MAPK9: variants seen among roughly 807,000 people sequenced by gnomAD.
The protein encoded by MAPK9 is mitogen-activated protein kinase 9.
A neutral mutation model predicts 57.1 loss-of-function variants in MAPK9; 30 were observed. The observed-to-expected ratio is 0.53, with a 90% CI of 0.39 to 0.71. MAPK9 has a LOEUF of 0.71. MAPK9 is among the 30% of genes least tolerant of loss of function. MAPK9 has a pLI of 0.00. For missense variants in MAPK9, 362 were observed against 521.0 expected, an observed-to-expected ratio of 0.69 and a Z score of 2.97; for synonymous variants, 155 against 177.0, an observed-to-expected ratio of 0.88 and a Z score of 0.99.
At chr5:180,282,253 A>G (rs1217894324) in intron 1 of MAPK9, among the ~76,000 whole-genome samples, 1 of 152,184 alleles carries the variant, frequency 6.6e-6, no homozygotes, top group Non-Finnish European at 1.5e-5. Flanking sequence ...TAGCTTATTT[A>G]CAGTTTGCAA....
intron 6 of MAPK9, among the ~76,000 whole-genome samples, chr5:180,248,114 C>A (rs925675875): frequency 6.6e-6 from 1 of 152,252 alleles, no homozygotes; most frequent in South Asian, 2.1e-4. Context: ...CACTCACTGG[C>A]GGCACAGGCT....
chr5:180,286,231 C>T (rs1762750080), intron 1 of MAPK9, among the ~76,000 whole-genome samples: 3 of 142,504 alleles, frequency 2.1e-5, no homozygotes, highest in East Asian at 2.7e-4. Flanking sequence ...CTGCAAGCTC[C>T]GCCTCCCAGG....
intron 2 of MAPK9, among the ~76,000 whole-genome samples, chr5:180,274,153 T>C: frequency 6.6e-6 from 1 of 152,312 alleles, no homozygotes; most frequent in East Asian, 1.9e-4. Flanking sequence ...GTCTTTCATA[T>C]TGTTAGATTT....
At chr5:180,277,185 C>T (rs1761897319) in intron 2 of MAPK9, among the ~76,000 whole-genome samples, 1 of 152,192 alleles carries the variant, frequency 6.6e-6, no homozygotes. Flanking sequence ...TTTCCTATTG[C>T]TATTGTAACA....
chr5:180,248,980 T>G lies in MAPK9; in HGVS notation c.609A>C (p.Lys203Asn). Residue 203 changes from lysine (K) to asparagine (N), a missense_variant, in exon 6 of 12, where the codon AAA becomes AAC. Lys to Asn is a moderately conservative substitution (Grantham distance 94). Transcript: ENST00000452135. ...AGCCCCGGCTATACTCACCGTTCTCTTTGTAGCCCATACCCAGGATGACTT... is the reference window on the plus strand; with the variant it reads ...AGCCCCGGCTATACTCACCGTTCTCGTTGTAGCCCATACCCAGGATGACTT... ...APEVILGMGY[K>N]ENVDIWSVGC... The G allele has an allele frequency of 6.2e-7, 1 of 1,610,010 alleles. No homozygotes were observed. The highest frequency in any genetic ancestry group is 1.1e-5 in the South Asian group (1 of 90,584).
In MAPK9 at chr5:180,247,334, G is replaced by C; in HGVS notation, c.688+105C>G. ...AGCCCCCCTTAGAACACAGTCTGGA[G>C]TGGATTTTACGACTTTGTCCTCGTG... On this transcript the variant is annotated intron_variant, in intron 7 of 11. Transcript: ENST00000452135. The surrounding 1 kb of genome is among the most constrained non-coding windows in gnomAD (Gnocchi z 4.5). The C allele has an allele frequency of 7.8e-7, 1 of 1,276,996 alleles. No homozygotes were observed. The highest frequency in any genetic ancestry group is 1.7e-5 in the Admixed American group (1 of 57,366). 79.1% of individuals were successfully genotyped at this position (1,276,996 alleles called of 1,614,324 possible).
chr5:180,260,065 A>G (rs958311842), intron 5 of MAPK9, among the ~76,000 whole-genome samples: 1 of 152,268 alleles, frequency 6.6e-6, no homozygotes, highest in Non-Finnish European at 1.5e-5. Flanking sequence ...TAAAAAGCAC[A>G]TGGAACTCTT....
At chr5:180,240,027 C>CAA in intron 9 of MAPK9, 40 bp from the exon 10 acceptor site, 3 of 1,462,672 alleles carry the variant, frequency 2.1e-6, no homozygotes, top group African/African-American at 1.4e-5. Context: ...AGTAATGCCT[C>CAA]AAAAAAAAAT....
rs1202436555 is a variant in MAPK9, at chr5:180,247,729, C to T, written c.617-219G>A. The stretch of plus-strand genomic sequence containing the variant: ...TGCCAAAGAGTCCAATACTTTATAG[C>T]TTAAAACAAACAAACAAACAAACAA... On this transcript the variant is annotated intron_variant, in intron 6 of 11. Coordinates refer to ENST00000452135, the MANE Select transcript of MAPK9 (RefSeq NM_002752.5). This position sits in a 1 kb window ranked among gnomAD's most constrained non-coding sequence, Gnocchi z 4.5. The T allele has an allele frequency of 8.8e-7, 1 of 1,132,734 alleles. No homozygotes were observed. The highest frequency in any genetic ancestry group is 1.3e-6 in the Non-Finnish European group (1 of 765,144). The allele number at this position is 1,132,734 out of a possible 1,614,324, so 70.2% of individuals were successfully genotyped here.
chr5:180,241,491 G>C (rs895713132), intron 8 of MAPK9, among the ~76,000 whole-genome samples: 2 of 152,248 alleles, frequency 1.3e-5, no homozygotes, highest in Middle Eastern at 3.4e-3. Flanking sequence ...AGTAGAGACA[G>C]GGTTTCACTG....
chr5:180,279,098 C>T (rs1048378277), intron 2 of MAPK9, among the ~76,000 whole-genome samples: 3 of 151,932 alleles, frequency 2.0e-5, no homozygotes, highest in Admixed American at 6.6e-5. Flanking sequence ...GCTGGGACTA[C>T]GGGTGTGTGC....
Position 180,276,926 on chromosome 5 carries a change from A to G in MAPK9, c.122+3514T>C, listed in dbSNP as rs36086132. ...TTTTACTAACATATTTAAAGGAACAAAAACAAATAAACAAATCAAAGACAA... is the reference window on the plus strand; with the variant it reads ...TTTTACTAACATATTTAAAGGAACAGAAACAAATAAACAAATCAAAGACAA... On this transcript the variant is annotated intron_variant, in intron 2 of 11. Coordinates refer to ENST00000452135, the MANE Select transcript of MAPK9 (RefSeq NM_002752.5). 7.3e-3 allele frequency among the ~76,000 whole-genome samples: 1,110 copies of G among 152,280 alleles called. 19 individuals carry two copies. Among genetic ancestry groups the G allele is most frequent in the African/African-American group, 0.024 (1,004 of 41,578 alleles).
At chr5:180,241,458 C>T (rs192474111) in intron 8 of MAPK9, among the ~76,000 whole-genome samples, 100 of 152,138 alleles carry the variant, frequency 6.6e-4, no homozygotes, top group African/African-American at 1.7e-3. Flanking sequence ...CCACCATGCC[C>T]GGATAATTTT....
At chr5:180,241,251 G>A (rs1757628707) in intron 8 of MAPK9, 96 bp from the exon 9 acceptor site, 3 of 1,186,194 alleles carry the variant, frequency 2.5e-6, no homozygotes, top group South Asian at 1.8e-5. Context: ...ATAGAACAAA[G>A]ATATATTAAT....
chr5:180,248,640 G>A (rs368275739), intron 6 of MAPK9, among the ~76,000 whole-genome samples: 92 of 152,328 alleles, frequency 6.0e-4, no homozygotes, highest in Middle Eastern at 3.4e-3. Flanking sequence ...GCTGCGAGGA[G>A]GGGCCATGGG....
At chr5:180,275,729 A>G (rs886423261) in intron 2 of MAPK9, among the ~76,000 whole-genome samples, 1 of 152,154 alleles carries the variant, frequency 6.6e-6, no homozygotes, top group Admixed American at 6.5e-5. Flanking sequence ...CACACTTTTA[A>G]TTAACAGCCC....
In MAPK9 at chr5:180,247,900, T is replaced by C. The variant is rs1228816286; in HGVS notation, c.617-390A>G. ...ACTTTATGGAGGACCATTTCTGCCA[T>C]GATGCACCCGACAGACCAGATGTCC... is the stretch of plus-strand genomic sequence containing the variant. On this transcript the variant is annotated intron_variant, in intron 6 of 11. Transcript: ENST00000452135. This position sits in a 1 kb window ranked among gnomAD's most constrained non-coding sequence, Gnocchi z 4.5. 2 of 1,614,146 alleles carry C rather than the reference T, an allele frequency of 1.2e-6. No homozygotes were observed. Among genetic ancestry groups the C allele is most frequent in the Admixed American group, 1.7e-5 (1 of 60,010 alleles).
intron 3 of MAPK9, among the ~76,000 whole-genome samples, chr5:180,267,844 G>A (rs983756220): frequency 3.3e-5 from 5 of 151,746 alleles, no homozygotes; most frequent in East Asian, 1.9e-4. Flanking sequence ...CAGATTTCAC[G>A]TTTTATATTT....
intron 7 of MAPK9, chr5:180,246,559 C>T (rs1274420654): frequency 6.6e-6 from 1 of 152,010 alleles, no homozygotes; most frequent in East Asian, 1.9e-4. Context: ...AGGATGGAGA[C>T]CAATTTAAAC....
Sources: allele counts gnomAD v4.1 joint callset (sites outside exome capture counted in the v4.1 genomes callset), GRCh38; gene constraint gnomAD v4.1.1; non-coding constraint Gnocchi (gnomAD v3.1); transcripts MANE v1.5; gene names NCBI Gene and HGNC (gene_info 2026-07-23, HGNC 2026-07-21).